The following FAM107B variants were observed in gnomAD, a reference collection of about 807,000 sequenced individuals.
The protein encoded by FAM107B is protein FAM107B.
A neutral mutation model predicts 31.5 loss-of-function variants in FAM107B; 21 were observed. The observed-to-expected ratio is 0.67, with a 90% confidence interval of 0.47 to 0.96. FAM107B has a LOEUF of 0.96. Among genes scored for constraint, FAM107B ranks in the 40% least tolerant of loss-of-function variants. The probability of loss-of-function intolerance (pLI) is 0.00; values close to 1 mark genes in which losing one functional copy is unlikely to be tolerated. For synonymous variants in FAM107B, 157 were observed against 141.5 expected, an observed-to-expected ratio of 1.11 and a Z score of -0.78; for missense variants, 452 against 377.1, an observed-to-expected ratio of 1.20 and a Z score of -1.64.
At chr10:14,753,376 C>T (rs1013654179) in intron 1 of FAM107B, among the ~76,000 whole-genome samples, 1 of 152,234 alleles carries the variant, frequency 6.6e-6, no homozygotes, top group African/African-American at 2.4e-5. Flanking sequence ...AACCCCGTTA[C>T]ATCAAAGCCG....
chr10:14,696,182 T>A (rs1855261484), intron 1 of FAM107B, among the ~76,000 whole-genome samples: 1 of 152,224 alleles, frequency 6.6e-6, no homozygotes, highest in African/African-American at 2.4e-5. Context: ...AGAGTTTATA[T>A]CAAGAAAGAA....
intron 2 of FAM107B, among the ~76,000 whole-genome samples, chr10:14,566,027 C>G (rs140069214): frequency 6.6e-6 from 1 of 152,324 alleles, no homozygotes; most frequent in African/African-American, 2.4e-5. Flanking sequence ...AGCCCCCATG[C>G]CTGAGGGGCC....
chr10:14,738,593 C>T lies in FAM107B; in HGVS notation c.411+35660G>A, dbSNP rs188213104. Among the ~76,000 whole-genome samples the T allele has an allele frequency of 4.6e-5, 7 of 152,258 alleles. No homozygotes were observed. The East Asian group carries it at 9.6e-4, about 21-fold the overall frequency. ...TCTGGGTATCCTGAAGCGTGTCACACGCCACCTAAAAAAGGAGGTTAGAGG... is the reference window on the plus strand; with the variant it reads ...TCTGGGTATCCTGAAGCGTGTCACATGCCACCTAAAAAAGGAGGTTAGAGG... On this transcript the variant is annotated intron_variant, in intron 1 of 4. Coordinates refer to ENST00000181796, the MANE Select transcript of FAM107B (RefSeq NM_031453.4).
In FAM107B at chr10:14,773,814, T is replaced by A. The variant is rs562633919; in HGVS notation, c.411+439A>T. On this transcript the variant is annotated intron_variant, in intron 1 of 4. Transcript: ENST00000181796. ...CCAGACTGCTTTGATATCATGTGAT[T>A]CATTTTAAGTAGAGGCAGTTTTGTG... is the stretch of plus-strand genomic sequence containing the variant. Among the ~76,000 whole-genome samples the A allele has an allele frequency of 5.3e-5, 8 of 152,352 alleles. No individual in the cohort carries two copies. In the South Asian group the frequency reaches 1.7e-3, roughly 32 times the overall value.
intron 1 of FAM107B, among the ~76,000 whole-genome samples, chr10:14,732,817 A>T (rs1371590564): frequency 6.8e-6 from 1 of 147,286 alleles, no homozygotes; most frequent in African/African-American, 2.5e-5. Flanking sequence ...AATTATATGT[A>T]TTATAATATT....
chr10:14,724,124 C>T (rs543006627), intron 1 of FAM107B: 16 of 539,938 alleles, frequency 3.0e-5, no homozygotes, highest in South Asian at 1.6e-4. Flanking sequence ...CTGTGGGTAG[C>T]GCGGAAAGGC....
intron 1 of FAM107B, among the ~76,000 whole-genome samples, chr10:14,728,334 T>C (rs1182132240): frequency 6.6e-6 from 1 of 151,642 alleles, no homozygotes; most frequent in Non-Finnish European, 1.5e-5. Context: ...ATAAGGGGTG[T>C]GTGTGTGTGT....
At chr10:14,575,565 G>A (rs17885111) in intron 2 of FAM107B, among the ~76,000 whole-genome samples, 24,425 of 152,120 alleles carry the variant, frequency 0.16, 2,334 homozygotes, top group Middle Eastern at 0.28. Flanking sequence ...GTGATGGCCT[G>A]GACACCAAGG....
At chr10:14,578,146 CA>C (rs1257145680) in intron 2 of FAM107B, among the ~76,000 whole-genome samples, 1 of 152,120 alleles carries the variant, frequency 6.6e-6, no homozygotes, top group African/African-American at 2.4e-5. Context: ...ACTCCGCTTC[CA>C]AGCAGAATGA....
Position 14,541,922 on chromosome 10 carries a change from AG to A in FAM107B, c.470-11408del, listed in dbSNP as rs376323563. 1.4e-4 allele frequency among the ~76,000 whole-genome samples: 22 copies of A among 152,236 alleles called. No homozygotes were observed. The East Asian group carries it at 4.3e-3, about 29-fold the overall frequency. ...CATCTTACCTCCTATTGCCTTCCCC[AG>A]CCCTGGGCTGTATGTCACACTGTGT... On this transcript the variant is annotated intron_variant, in intron 2 of 4. Transcript: ENST00000181796.
At chr10:14,531,505 A>G (rs1392948533) in intron 2 of FAM107B, among the ~76,000 whole-genome samples, 3 of 150,248 alleles carry the variant, frequency 2.0e-5, no homozygotes, top group Non-Finnish European at 4.4e-5. Flanking sequence ...TGGGTGACAG[A>G]GCAAGAGCAA....
chr10:14,634,358 C>A (rs967323275), intron 2 of FAM107B, among the ~76,000 whole-genome samples: 2 of 150,742 alleles, frequency 1.3e-5, no homozygotes, highest in Non-Finnish European at 2.9e-5. Flanking sequence ...CAAGAGCATG[C>A]CACTGCACTC....
Position 14,773,748 on chromosome 10 carries a change from C to T in FAM107B, c.411+505G>A, listed in dbSNP as rs1182977669. 3.3e-5 allele frequency among the ~76,000 whole-genome samples: 5 copies of T among 152,222 alleles called. No individual in the cohort carries two copies. In the South Asian group the frequency reaches 8.3e-4, roughly 25 times the overall value. On this transcript the variant is annotated intron_variant, in intron 1 of 4. Coordinates refer to ENST00000181796, the MANE Select transcript of FAM107B (RefSeq NM_031453.4). ...ATAGTTTTATAGGTCAGTTCCCTTC[C>T]GTACCACTAGGCATACACTGATGAT...
intron 1 of FAM107B, among the ~76,000 whole-genome samples, chr10:14,718,029 G>T (rs909886243): frequency 2.6e-5 from 4 of 152,054 alleles, no homozygotes; most frequent in African/African-American, 9.7e-5. Flanking sequence ...TCCAGGAGAA[G>T]AAATATATTG....
intron 2 of FAM107B, among the ~76,000 whole-genome samples, chr10:14,537,611 G>A (rs777541522): frequency 4.6e-5 from 7 of 152,092 alleles, no homozygotes; most frequent in Non-Finnish European, 8.8e-5. Flanking sequence ...AGGCCGAGGC[G>A]GGCGGATCAT....
At chr10:14,604,992 G>A (rs1435307493) in intron 2 of FAM107B, among the ~76,000 whole-genome samples, 1 of 151,942 alleles carries the variant, frequency 6.6e-6, no homozygotes, top group South Asian at 2.1e-4. Flanking sequence ...CTCGCTCCTG[G>A]GTGTCCGGGC....
chr10:14,540,438 C>T (rs868683114), intron 2 of FAM107B, among the ~76,000 whole-genome samples: 3 of 152,206 alleles, frequency 2.0e-5, no homozygotes, highest in African/African-American at 7.2e-5. Context: ...CTCAGGCCAT[C>T]CAGGGCTCCC....
chr10:14,723,740 C>T, intron 1 of FAM107B: 3 of 757,912 alleles, frequency 4.0e-6, no homozygotes, highest in Non-Finnish European at 4.8e-6. Context: ...GTGAAGGTTC[C>T]AGGGGTGAAG....
At chr10:14,620,716 G>A (rs903989452) in intron 2 of FAM107B, among the ~76,000 whole-genome samples, 1 of 152,116 alleles carries the variant, frequency 6.6e-6, no homozygotes, top group African/African-American at 2.4e-5. Context: ...GGTGTGTGAT[G>A]TTCCCCTCCC....
Sources: gnomAD v4.1 joint callset for allele counts (sites outside exome capture counted in the v4.1 genomes callset) on GRCh38, gnomAD v4.1.1 for gene constraint, MANE v1.5 for transcripts, NCBI Gene and HGNC (gene_info 2026-07-23, HGNC 2026-07-21) for gene names.